The following ADAMTSL1 variants were observed in gnomAD, a reference collection of about 807,000 sequenced individuals.
ADAMTSL1 encodes ADAMTS like 1, also known as ADAMTS-like protein 1.
In ADAMTSL1, 126 loss-of-function variants were observed where a neutral mutation model predicts 201.8. That is an observed-to-expected ratio of 0.62 (90% confidence interval 0.54 to 0.72). ADAMTSL1 has a LOEUF of 0.72. Among genes scored for constraint, ADAMTSL1 ranks in the 30% least tolerant of loss-of-function variants. ADAMTSL1 has a pLI of 0.00. For missense variants in ADAMTSL1, 2,679 were observed against 2,277.8 expected (o/e 1.18, Z -3.59); for synonymous variants, 1,121 against 903.4 (o/e 1.24, Z -4.32).
chr9:18,794,716 C>T (rs1822285407), intron 19 of ADAMTSL1, among the ~76,000 whole-genome samples: 1 of 151,986 alleles, frequency 6.6e-6, no homozygotes, highest in South Asian at 2.1e-4. Flanking sequence ...CCACTACAAC[C>T]TCTGCCCCCC....
At chr9:18,332,692 A>G (rs1460004877) in intron 2 of ADAMTSL1, among the ~76,000 whole-genome samples, 1 of 152,214 alleles carries the variant, frequency 6.6e-6, no homozygotes. Context: ...TGATAACTAC[A>G]CAGTTATGGT....
At chr9:18,838,515 A>G (rs987499104) in intron 23 of ADAMTSL1, among the ~76,000 whole-genome samples, 1 of 151,794 alleles carries the variant, frequency 6.6e-6, no homozygotes, top group Admixed American at 6.6e-5. Context: ...CTCCAGTTTA[A>G]AAATAAATAA....
chr9:18,177,028 C>T (rs565213701), intron 2 of ADAMTSL1, among the ~76,000 whole-genome samples: 1 of 152,174 alleles, frequency 6.6e-6, no homozygotes, highest in Non-Finnish European at 1.5e-5. Context: ...AGGGCTATTG[C>T]TTTGCACCCT....
intron 2 of ADAMTSL1, among the ~76,000 whole-genome samples, chr9:18,426,074 T>A (rs1819207040): frequency 6.6e-6 from 1 of 152,128 alleles, no homozygotes; most frequent in South Asian, 2.1e-4. Flanking sequence ...GTGGCTGTAG[T>A]AATCCTAATC....
chr9:18,770,698 T>G lies in ADAMTSL1; in HGVS notation c.2314T>G (p.Cys772Gly), dbSNP rs775438905. The stretch of plus-strand genomic sequence containing the variant: ...CTTCCTGGAGCTTCCTGAGACCTTC[T>G]GTTCAGCTTCAAAACCTGCCTGCCA... The part of the protein sequence containing the change: ...GSFLELPETF[C>G]SASKPACQQA... The change falls in exon 17 of 29, where the codon TGT becomes GGT. Residue 772 changes from cysteine (C) to glycine (G), a missense_variant. Physicochemically the swap from Cys to Gly is radical, Grantham distance 159 (BLOSUM62 -3). Transcript: ENST00000380548. The G allele has an allele frequency of 5.0e-6, 8 of 1,613,746 alleles. No homozygotes were observed. In the Admixed American group the frequency reaches 5.0e-5, roughly 10 times the overall value.
chr9:18,541,424 C>T (rs1312224061), intron 3 of ADAMTSL1, among the ~76,000 whole-genome samples: 3 of 151,624 alleles, frequency 2.0e-5, no homozygotes, highest in African/African-American at 7.3e-5. Context: ...GCAGGAGAAT[C>T]GCGTGAAACC....
At chr9:17,914,169 TA>T (rs1312895177) in intron 1 of ADAMTSL1, among the ~76,000 whole-genome samples, 1 of 152,198 alleles carries the variant, frequency 6.6e-6, no homozygotes, top group African/African-American at 2.4e-5. Flanking sequence ...TAACTCATTT[TA>T]TGAGGCCAGC....
intron 9 of ADAMTSL1, among the ~76,000 whole-genome samples, chr9:18,668,742 T>C (rs960662922): frequency 6.6e-6 from 1 of 152,204 alleles, no homozygotes; most frequent in Non-Finnish European, 1.5e-5. Context: ...GCTATCATGA[T>C]TGAATTGAGA....
intron 23 of ADAMTSL1, among the ~76,000 whole-genome samples, chr9:18,854,642 G>A (rs1265545301): frequency 6.6e-6 from 1 of 152,194 alleles, no homozygotes; most frequent in African/African-American, 2.4e-5. Flanking sequence ...GCAAAGGAGG[G>A]AGGAGAGAGG....
intron 7 of ADAMTSL1, among the ~76,000 whole-genome samples, chr9:18,657,295 A>T (rs953253513): frequency 6.6e-6 from 1 of 152,238 alleles, no homozygotes; most frequent in Admixed American, 6.5e-5. Flanking sequence ...TACATTTTAA[A>T]ATCCACATAA....
At chr9:18,264,233 A>G (rs1407291021) in intron 2 of ADAMTSL1, among the ~76,000 whole-genome samples, 1 of 152,084 alleles carries the variant, frequency 6.6e-6, no homozygotes, top group Non-Finnish European at 1.5e-5. Context: ...AAATACCTTC[A>G]AATATAGTTT....
intron 2 of ADAMTSL1, among the ~76,000 whole-genome samples, chr9:18,193,950 A>C (rs1457771092): frequency 6.6e-6 from 1 of 152,176 alleles, no homozygotes; most frequent in East Asian, 1.9e-4. Flanking sequence ...TACATATACT[A>C]ATTTAGTGCT....
chr9:18,765,472 C>CTGCA (rs1820304656), intron 16 of ADAMTSL1, among the ~76,000 whole-genome samples: 1 of 148,360 alleles, frequency 6.7e-6, no homozygotes, highest in African/African-American at 2.5e-5. Flanking sequence ...AAAAAATACA[C>CTGCA]TGCATTTTCA....
chr9:18,204,031 C>T (rs573925011), intron 2 of ADAMTSL1, among the ~76,000 whole-genome samples: 6 of 152,204 alleles, frequency 3.9e-5, no homozygotes, highest in South Asian at 2.1e-4. Context: ...TTGAGCAGGG[C>T]GCTAAGTATC....
chr9:18,539,896 A>T (rs1447395874), intron 3 of ADAMTSL1, among the ~76,000 whole-genome samples: 1 of 152,194 alleles, frequency 6.6e-6, no homozygotes, highest in Non-Finnish European at 1.5e-5. Flanking sequence ...ATTGTTTGGT[A>T]TTCCTGTTGG....
chr9:18,798,868 A>G (rs1486433663), intron 20 of ADAMTSL1, among the ~76,000 whole-genome samples: 1 of 152,156 alleles, frequency 6.6e-6, no homozygotes. Context: ...TGTAAACACC[A>G]TTTAGTTTTA....
rs913870661 is a variant in ADAMTSL1, at chr9:18,910,714, G to C, written c.*2166G>C. On this transcript the variant is annotated 3_prime_UTR_variant, in exon 29 of 29. Coordinates refer to ENST00000380548, the MANE Select transcript of ADAMTSL1 (RefSeq NM_001040272.6). ...GCAAGCATCCTCCAGCTCCATGTTG[G>C]GTTGGAGCAGTTGGCAGTGGGTCTC... is the stretch of plus-strand genomic sequence containing the variant. The C allele has an allele frequency of 6.6e-6, 1 of 152,206 alleles. No homozygotes were observed. The highest frequency in any genetic ancestry group is 6.5e-5 in the Admixed American group (1 of 15,284). 9.4% of individuals were successfully genotyped at this position (152,206 alleles called of 1,614,324 possible).
At chr9:18,164,133 T>C (rs142662133) in intron 2 of ADAMTSL1, among the ~76,000 whole-genome samples, 231 of 151,966 alleles carry the variant, frequency 1.5e-3, no homozygotes, top group African/African-American at 5.4e-3. Flanking sequence ...TGTAGGGCAG[T>C]GGACAGACTG....
intron 2 of ADAMTSL1, among the ~76,000 whole-genome samples, chr9:18,342,907 C>A (rs559189915): frequency 2.9e-4 from 44 of 152,276 alleles, no homozygotes; most frequent in Non-Finnish European, 4.3e-4. Context: ...CATGTCGGTA[C>A]TTCCTGTAAT....
Sources: gnomAD v4.1 joint callset for allele counts (sites outside exome capture counted in the v4.1 genomes callset) on GRCh38, gnomAD v4.1.1 for gene constraint, MANE v1.5 for transcripts, NCBI Gene and HGNC (gene_info 2026-07-23, HGNC 2026-07-21) for gene names.